ASTN1: variants seen among roughly 807,000 people sequenced by gnomAD.
ASTN1 encodes the protein astrotactin 1.
A neutral mutation model predicts 140.7 loss-of-function variants in ASTN1; 41 were observed. The observed-to-expected ratio is 0.29, with a 90% CI of 0.23 to 0.38. ASTN1 has a LOEUF of 0.38. ASTN1 is among the 10% of genes least tolerant of loss of function. The pLI is 1.00. For missense variants in ASTN1, 1,479 were observed against 1,678.8 expected, an observed-to-expected ratio of 0.88 and a Z score of 2.08; for synonymous variants, 640 against 652.2, an observed-to-expected ratio of 0.98 and a Z score of 0.29.
At chr1:177,122,386 A>AG (rs777491041) in intron 1 of ASTN1, among the ~76,000 whole-genome samples, 15 of 152,280 alleles carry the variant, frequency 9.9e-5, no homozygotes, top group Non-Finnish European at 1.6e-4. Flanking sequence ...GAGTTGTAAT[A>AG]TCTGAGGACA....
At chr1:176,982,524 T>C (rs1673665598) in intron 8 of ASTN1, among the ~76,000 whole-genome samples, 1 of 152,152 alleles carries the variant, frequency 6.6e-6, no homozygotes, top group Non-Finnish European at 1.5e-5. Flanking sequence ...TATGACAGGT[T>C]CTCGGGTCTA....
In ASTN1 at chr1:177,040,840, A is replaced by G. The variant is rs539690317; in HGVS notation, c.472-7991T>C. Reference sequence around the variant, plus strand: ...TCGTCTAATGAGAGCCTGAAGCCCTACAGGGACAGTGGTTGGAGGCTAGTG... The same window carrying G: ...TCGTCTAATGAGAGCCTGAAGCCCTGCAGGGACAGTGGTTGGAGGCTAGTG... On this transcript the variant is annotated intron_variant, in intron 2 of 22. Coordinates refer to ENST00000361833, the MANE Select transcript of ASTN1 (RefSeq NM_004319.3). Among the ~76,000 whole-genome samples the G allele has an allele frequency of 2.0e-5, 3 of 152,362 alleles. No homozygotes were observed. In the South Asian group the frequency reaches 6.2e-4, roughly 32 times the overall value.
chr1:177,150,204 A>G (rs186877784), intron 1 of ASTN1, among the ~76,000 whole-genome samples: 6 of 152,180 alleles, frequency 3.9e-5, no homozygotes, highest in Admixed American at 3.9e-4. Context: ...TACCTTATTA[A>G]TGGTTTGAAA....
rs544892620 is a variant in ASTN1 at position 177,061,833 on chromosome 1, C to T, written c.284-568G>A. 3.9e-5 allele frequency among the ~76,000 whole-genome samples: 6 copies of T among 152,276 alleles called. No homozygotes were observed. The South Asian group carries it at 1.0e-3, about 26-fold the overall frequency. On this transcript the variant is annotated intron_variant, in intron 1 of 22. Transcript: ENST00000361833. ...TCCACTGGAGATGTTTGCTAACTTG[C>T]TATGACAGGTAAAGTAATGTTATAA...
chr1:177,137,860 C>G (rs879818640), intron 1 of ASTN1, among the ~76,000 whole-genome samples: 2 of 152,166 alleles, frequency 1.3e-5, no homozygotes, highest in Non-Finnish European at 2.9e-5. Flanking sequence ...ACTAAAATAG[C>G]ATCCAGTGTA....
At chr1:177,049,605 G>A (rs1321297649) in intron 2 of ASTN1, among the ~76,000 whole-genome samples, 4 of 152,138 alleles carry the variant, frequency 2.6e-5, no homozygotes, top group Non-Finnish European at 5.9e-5. Context: ...AGAGAAAAAG[G>A]TCCACAATCA....
chr1:177,016,042 A>G (rs1675529667), intron 7 of ASTN1, among the ~76,000 whole-genome samples: 1 of 152,232 alleles, frequency 6.6e-6, no homozygotes, highest in Admixed American at 6.5e-5. Context: ...TTAAGATGAT[A>G]TAAATAGAAT....
In ASTN1 at chr1:177,030,846, G is replaced by A. The variant is rs1398359660; in HGVS notation, c.972C>T (p.Thr324=). ...TGATCCGCTTTCTCTGGCTGCTGGA[G>A]GTGTGAGAGAGAAGGGTGGCTTGCT... ...NHQQATLLSH[T]SSSQRKRINN... Residue 324 remains threonine, a synonymous_variant, in exon 4 of 23, where the codon ACC becomes ACT. Coordinates refer to ENST00000361833, the MANE Select transcript of ASTN1 (RefSeq NM_004319.3). The A allele has an allele frequency of 1.2e-6, 2 of 1,614,040 alleles. No homozygotes were observed. The highest frequency in any genetic ancestry group is 1.7e-5 in the Admixed American group (1 of 60,004).
intron 7 of ASTN1, 128 bp from the exon 8 acceptor site, chr1:177,015,003 T>C (rs1675477468): frequency 3.8e-6 from 3 of 779,634 alleles, no homozygotes; most frequent in Non-Finnish European, 4.3e-6. Context: ...AATGAGACAG[T>C]AAGTTCCATT....
intron 8 of ASTN1, among the ~76,000 whole-genome samples, chr1:177,000,762 C>A (rs1674687626): frequency 1.3e-5 from 2 of 152,196 alleles, no homozygotes; most frequent in South Asian, 4.1e-4. Flanking sequence ...GTCTAAGAAT[C>A]TGCATTACAA....
intron 1 of ASTN1, among the ~76,000 whole-genome samples, chr1:177,103,757 C>T (rs1473307282): frequency 6.6e-6 from 1 of 151,960 alleles, no homozygotes; most frequent in Non-Finnish European, 1.5e-5. Flanking sequence ...TCGAACCAGC[C>T]CCTGAAAAGT....
intron 20 of ASTN1, among the ~76,000 whole-genome samples, chr1:176,877,782 ATTATTTTGTTTTCTTTTGGCACAG>A: frequency 6.6e-6 from 1 of 152,234 alleles, no homozygotes; most frequent in Non-Finnish European, 1.5e-5. Flanking sequence ...TTTATTGGCA[ATTATTTTGTTTTCTTTTGGCACAG>A]TTACAGGGAG....
chr1:177,044,323 TTTG>T (rs1489415944), intron 2 of ASTN1, among the ~76,000 whole-genome samples: 2 of 149,256 alleles, frequency 1.3e-5, no homozygotes, highest in African/African-American at 2.4e-5. Flanking sequence ...TGTACTGGCA[TTTG>T]TTGTTGTTGT....
chr1:177,139,436 G>C (rs190363666), intron 1 of ASTN1, among the ~76,000 whole-genome samples: 2 of 152,280 alleles, frequency 1.3e-5, no homozygotes, highest in East Asian at 1.9e-4. Context: ...ATTTCATAAG[G>C]AAAGACATGT....
chr1:177,131,032 C>T (rs1287835332), intron 1 of ASTN1, among the ~76,000 whole-genome samples: 1 of 152,198 alleles, frequency 6.6e-6, no homozygotes, highest in Non-Finnish European at 1.5e-5. Context: ...GCACCTTCCC[C>T]TCAAGTCACC....
intron 1 of ASTN1, among the ~76,000 whole-genome samples, chr1:177,129,020 G>A (rs570116470): frequency 5.3e-5 from 8 of 152,308 alleles, no homozygotes; most frequent in Non-Finnish European, 1.2e-4. Flanking sequence ...TTACCATCAG[G>A]ATTATTTTAA....
At chr1:177,107,156 G>GA (rs1237265233) in intron 1 of ASTN1, among the ~76,000 whole-genome samples, 1 of 152,098 alleles carries the variant, frequency 6.6e-6, no homozygotes, top group Non-Finnish European at 1.5e-5. Flanking sequence ...TAGAAATGAA[G>GA]AATCTCCCCA....
At chr1:176,902,310 CTTTCCCCAGGGAGCCT>C (rs1669802333) in intron 16 of ASTN1, among the ~76,000 whole-genome samples, 3 of 152,216 alleles carry the variant, frequency 2.0e-5, no homozygotes, top group Non-Finnish European at 2.9e-5. Context: ...AGCATTAAAC[CTTTCCCCAGGGAGCCT>C]CCAGGTGATG....
At chr1:177,013,230 C>A (rs946218846) in intron 8 of ASTN1, among the ~76,000 whole-genome samples, 1 of 152,164 alleles carries the variant, frequency 6.6e-6, no homozygotes, top group Non-Finnish European at 1.5e-5. Context: ...ACTGAGCAAT[C>A]CTTCATTTTC....
Sources: gnomAD v4.1 joint callset for allele counts (sites outside exome capture counted in the v4.1 genomes callset) on GRCh38, gnomAD v4.1.1 for gene constraint, MANE v1.5 for transcripts, NCBI Gene and HGNC (gene_info 2026-07-23, HGNC 2026-07-21) for gene names.